Variants in PRTG observed in about 807,000 individuals in gnomAD.
PRTG encodes immunoglobulin superfamily, DCC subclass, member 5.
In PRTG, 67 loss-of-function variants were observed where a neutral mutation model predicts 122.5. That is an observed-to-expected ratio of 0.55 (90% CI 0.45 to 0.67). PRTG has a LOEUF of 0.67. Among genes scored for constraint, PRTG ranks in the 30% least tolerant of loss-of-function variants. The pLI, the probability that PRTG is intolerant of heterozygous loss-of-function variation, is 0.00. For synonymous variants in PRTG, 554 were observed against 501.1 expected (o/e 1.11, Z -1.41); for missense variants, 1,435 against 1,415.4 (o/e 1.01, Z -0.22).
At chr15:55,629,381 G>GTT (rs2059214467) in intron 15 of PRTG, among the ~76,000 whole-genome samples, 1 of 31,258 alleles carries the variant, frequency 3.2e-5, no homozygotes, top group Non-Finnish European at 6.4e-5. Context: ...ATATATGTGT[G>GTT]TGTGTGTGTG....
At chr15:55,699,569 A>G (rs1224199273) in intron 2 of PRTG, among the ~76,000 whole-genome samples, 1 of 152,216 alleles carries the variant, frequency 6.6e-6, no homozygotes, top group African/African-American at 2.4e-5. Flanking sequence ...ATTCTCTTAT[A>G]TTATTTTCAG....
chr15:55,621,776 C>T (rs2059167681), intron 18 of PRTG, among the ~76,000 whole-genome samples: 2 of 152,056 alleles, frequency 1.3e-5, no homozygotes, highest in Admixed American at 1.3e-4. Flanking sequence ...TATTCCAAAA[C>T]ACATTAAGAT....
chr15:55,725,186 C>T (rs1296399130), intron 2 of PRTG, among the ~76,000 whole-genome samples: 1 of 152,036 alleles, frequency 6.6e-6, no homozygotes, highest in Non-Finnish European at 1.5e-5. Flanking sequence ...TGTATAGATG[C>T]AAAAATTCGC....
Position 55,629,079 on chromosome 15 carries a change from C to T in PRTG, c.2624-75G>A, listed in dbSNP as rs865971878. On this transcript the variant is annotated intron_variant, in intron 15 of 19. Coordinates refer to ENST00000389286, the MANE Select transcript of PRTG (RefSeq NM_173814.6). ...TCACTCATATTATACAAACACGTTCCTTTATTTTTAAAAATATTTTTCTGA... is the reference window on the plus strand; with the variant it reads ...TCACTCATATTATACAAACACGTTCTTTTATTTTTAAAAATATTTTTCTGA... The T allele has an allele frequency of 6.6e-5, 62 of 938,362 alleles. 1 individual carries two copies. In the Middle Eastern group the frequency reaches 0.012, roughly 186 times the overall value. The allele number at this position is 938,362 out of a possible 1,614,324, so 58.1% of individuals were successfully genotyped here.
chr15:55,681,036 A>G (rs1444934155), intron 4 of PRTG, among the ~76,000 whole-genome samples: 1 of 152,132 alleles, frequency 6.6e-6, no homozygotes, highest in Non-Finnish European at 1.5e-5. Context: ...CAGTTAGCAT[A>G]ATGTTTTCAA....
At chr15:55,682,616 G>A (rs1458480759) in intron 3 of PRTG, 119 bp from the exon 4 acceptor site, 2 of 387,394 alleles carry the variant, frequency 5.2e-6, no homozygotes. Flanking sequence ...CCCGGCTGGA[G>A]TGCAATGGCA....
intron 15 of PRTG, among the ~76,000 whole-genome samples, chr15:55,634,711 G>A (rs931379104): frequency 1.3e-5 from 2 of 151,844 alleles, no homozygotes; most frequent in Admixed American, 6.6e-5. Context: ...GCATGATGGC[G>A]TGTGCCTGTA....
intron 1 of PRTG, among the ~76,000 whole-genome samples, chr15:55,741,441 T>C (rs1234631670): frequency 6.6e-6 from 1 of 152,222 alleles, no homozygotes; most frequent in East Asian, 1.9e-4. Context: ...CTAATAGGGA[T>C]AGGAGATCGC....
intron 15 of PRTG, among the ~76,000 whole-genome samples, chr15:55,629,910 T>G (rs1032552587): frequency 6.7e-6 from 1 of 149,822 alleles, no homozygotes; most frequent in Non-Finnish European, 1.5e-5. Context: ...CTCCACCTCC[T>G]GGGTTCAAGC....
intron 15 of PRTG, among the ~76,000 whole-genome samples, chr15:55,631,322 G>T (rs2141721303): frequency 6.6e-6 from 1 of 151,692 alleles, no homozygotes; most frequent in South Asian, 2.1e-4. Context: ...TAAATAAATT[G>T]AGTTTCCATT....
chr15:55,726,518 G>A (rs145802430), intron 2 of PRTG, among the ~76,000 whole-genome samples: 1 of 151,942 alleles, frequency 6.6e-6, no homozygotes, highest in Non-Finnish European at 1.5e-5. Context: ...TGTCATGAGA[G>A]ACAAAGGAGC....
Position 55,627,013 on chromosome 15 carries a change from T to G in PRTG, c.2922A>C (p.Lys974Asn). ...ICVLILIYRS[K>N]ARKSSASKTA... is the part of the protein sequence containing the mutation. The stretch of plus-strand genomic sequence containing the variant: ...CTCTAGCAATGGAAACACACCTGGC[T>G]TTACTTCGGTATATCAAGATGAGAA... Residue 974 changes from lysine to asparagine, a missense_variant, in exon 17 of 20, where the codon AAA becomes AAC. By Grantham distance (94) the Lys-to-Asn change is moderately conservative. Coordinates refer to ENST00000389286, the MANE Select transcript of PRTG (RefSeq NM_173814.6). 1 of 1,606,106 alleles carries G rather than the reference T, an allele frequency of 6.2e-7. No homozygotes were observed. The highest frequency in any genetic ancestry group is 8.5e-7 in the Non-Finnish European group (1 of 1,177,228).
At chr15:55,674,584 T>C (rs970820444) in intron 9 of PRTG, among the ~76,000 whole-genome samples, 3 of 152,164 alleles carry the variant, frequency 2.0e-5, no homozygotes, top group Non-Finnish European at 4.4e-5. Context: ...AACTAAAATT[T>C]GGAATTCATT....
At chr15:55,711,932 A>T (rs2030404657) in intron 2 of PRTG, among the ~76,000 whole-genome samples, 1 of 152,104 alleles carries the variant, frequency 6.6e-6, no homozygotes, top group Non-Finnish European at 1.5e-5. Flanking sequence ...GGATGTAAAT[A>T]AAAAAAAGTT....
At chr15:55,649,051 C>T (rs948543026) in intron 11 of PRTG, among the ~76,000 whole-genome samples, 9 of 150,548 alleles carry the variant, frequency 6.0e-5, no homozygotes, top group African/African-American at 1.7e-4. Context: ...GACCCGAGAT[C>T]ACGCCACTGC....
intron 2 of PRTG, among the ~76,000 whole-genome samples, chr15:55,718,108 C>G (rs1349401389): frequency 6.6e-6 from 1 of 152,162 alleles, no homozygotes; most frequent in Non-Finnish European, 1.5e-5. Context: ...ACCTCTCTCA[C>G]TATCCCTCAA....
At chr15:55,642,404 G>A (rs1260642389) in intron 11 of PRTG, among the ~76,000 whole-genome samples, 1 of 151,780 alleles carries the variant, frequency 6.6e-6, no homozygotes, top group Non-Finnish European at 1.5e-5. Flanking sequence ...GTCACCCGAG[G>A]TCGGGAGTTC....
rs371274747 is a variant in PRTG at position 55,641,182 on chromosome 15, G to A, written c.2068C>T (p.Leu690Phe). ...LDPRRKYHVRLLAYNNIDDGY... is the reference protein window; with the variant it reads ...LDPRRKYHVRFLAYNNIDDGY... ...TCGTCTATGTTGTTGTAAGCCAGGA[G>A]TCTCACATGATATTTTCTTCTGGGG... The change falls in exon 12 of 20, where the codon CTC (leucine) becomes TTC (phenylalanine). Residue 690 changes from leucine to phenylalanine, a missense_variant. By Grantham distance (22) the Leu-to-Phe change is conservative (BLOSUM62 0). Transcript: ENST00000389286. The A allele has an allele frequency of 1.4e-5, 23 of 1,613,624 alleles. No homozygotes were observed. Among genetic ancestry groups the A allele is most frequent in the Non-Finnish European group, 1.8e-5 (21 of 1,179,600 alleles).
At chr15:55,688,084 CAT>C (rs1304381164) in intron 2 of PRTG, among the ~76,000 whole-genome samples, 4 of 152,208 alleles carry the variant, frequency 2.6e-5, no homozygotes, top group African/African-American at 7.2e-5. Context: ...AAACTCTAAA[CAT>C]GTCTTTACAT....
Sources: gnomAD v4.1 joint callset for allele counts (sites outside exome capture counted in the v4.1 genomes callset) on GRCh38, gnomAD v4.1.1 for gene constraint, MANE v1.5 for transcripts, NCBI Gene and HGNC (gene_info 2026-07-23, HGNC 2026-07-21) for gene names.